TNRC18: variants seen among roughly 807,000 people sequenced by gnomAD.
TNRC18 encodes trinucleotide repeat-containing gene 18 protein.
A neutral mutation model predicts 226.7 loss-of-function variants in TNRC18; 69 were observed. The ratio of observed to expected loss-of-function variants is 0.30; its 90% CI spans 0.25 to 0.37. The LOEUF (loss-of-function observed/expected upper bound fraction) is 0.37. Among genes scored for constraint, TNRC18 ranks in the 10% least tolerant of loss-of-function variants. The pLI is 1.00. For missense variants in TNRC18, 4,754 were observed against 4,256.6 expected (o/e 1.12, Z -3.25); for synonymous variants, 2,449 against 1,927.6 (o/e 1.27, Z -7.09).
Position 5,313,126 on chromosome 7 carries a change from T to C in TNRC18, c.7765A>G (p.Lys2589Glu). Residue 2589 changes from lysine (K) to glutamate (E), a missense_variant, in exon 27 of 30, where the codon AAG becomes GAG. Transcript: ENST00000430969. ...GTGCCGCAGCCCCCGTCCCCGTTCTTGTCGCCTTCCTCCTCCCCTTCTGTC... is the reference window on the plus strand; with the variant it reads ...GTGCCGCAGCCCCCGTCCCCGTTCTCGTCGCCTTCCTCCTCCCCTTCTGTC... Reference protein sequence around the residue: ...SETEGEEEGDKNGDGGCGTGG... With the variant: ...SETEGEEEGDENGDGGCGTGG... The C allele has an allele frequency of 6.7e-7, 1 of 1,494,306 alleles. No individual in the cohort carries two copies. The highest frequency in any genetic ancestry group is 9.1e-7 in the Non-Finnish European group (1 of 1,104,620). The allele number at this position is 1,494,306 out of a possible 1,614,324, so 92.6% of individuals were successfully genotyped here. A position where few individuals can be genotyped will look rare whatever the true frequency, so the allele number is the denominator to read the frequency against.
chr7:5,320,546 A>G lies in TNRC18; in HGVS notation c.6622T>C (p.Leu2208=), dbSNP rs746187256. 5.6e-6 allele frequency: 9 copies of G among 1,611,192 alleles called. No individual in the cohort carries two copies. The East Asian group carries it at 2.0e-4, about 36-fold the overall frequency. ...NRPHIYCLEQ[L]LQEAIIDVRP... is the part of the protein sequence containing the mutation. ...TCCCCCCTCACCGCCTCCTGCAGCAACTGCTCCAGACAGTAGATGTGGGGC... is the reference window on the plus strand; with the variant it reads ...TCCCCCCTCACCGCCTCCTGCAGCAGCTGCTCCAGACAGTAGATGTGGGGC... Residue 2208 remains leucine (L), a synonymous_variant, in exon 23 of 30, where the codon TTG becomes CTG. Coordinates refer to ENST00000430969, the MANE Select transcript of TNRC18 (RefSeq NM_001080495.3).
intron 13 of TNRC18, 81 bp from the exon 14 acceptor site, chr7:5,361,803 G>A (rs1793079163): frequency 9.8e-6 from 15 of 1,526,720 alleles, no homozygotes; most frequent in African/African-American, 4.2e-5. Context: ...CACACACGGC[G>A]CCGGGTCCAC....
Position 5,370,743 on chromosome 7 carries a change from G to T in TNRC18, c.3851C>A (p.Pro1284Gln). 6.2e-7 allele frequency: 1 copy of T among 1,604,460 alleles called. No homozygotes were observed. The change falls in exon 11 of 30, where the codon CCG (proline) becomes CAG (glutamine). Residue 1284 changes from proline (P) to glutamine (Q), a missense_variant. Pro to Gln is a moderately conservative substitution (Grantham distance 76). Transcript: ENST00000430969. ...VPEEGLAQVA[P>Q]SESQPTLEMS... Reference sequence around the variant, plus strand: ...TTCTAGGGTGGGCTGGGACTCGCTCGGTGCCACCTGCGCCAGGCCTTCCTC... The same window carrying T: ...TTCTAGGGTGGGCTGGGACTCGCTCTGTGCCACCTGCGCCAGGCCTTCCTC...
chr7:5,345,756 G>A lies in TNRC18; in HGVS notation c.5525C>T (p.Ala1842Val), dbSNP rs1791120519. The change falls in exon 18 of 30, where the codon GCC (alanine) becomes GTC (valine). Residue 1842 changes from alanine (A) to valine (V), a missense_variant. By Grantham distance (64) the Ala-to-Val change is moderately conservative. Coordinates refer to ENST00000430969, the MANE Select transcript of TNRC18 (RefSeq NM_001080495.3). ...EEEELEEEDE[A>V]SGGGYRLGAR... ...ACCCAGCCTGTAGCCACCACCGCTG[G>A]CCTCGTCCTCCTCCTCGAGCTCCTC... The A allele has an allele frequency of 1.3e-6, 2 of 1,548,274 alleles. No individual in the cohort carries two copies. Among genetic ancestry groups the A allele is most frequent in the Non-Finnish European group, 8.7e-7 (1 of 1,146,860 alleles).
At position 5,394,419 on chromosome 7, in the gene TNRC18, C is replaced by T. The variant is rs376438023; in HGVS notation, c.343+21G>A. On this transcript the variant is annotated intron_variant, in intron 3 of 29. Coordinates refer to ENST00000430969, the MANE Select transcript of TNRC18 (RefSeq NM_001080495.3). This position sits in a 1 kb window ranked among gnomAD's most constrained non-coding sequence, Gnocchi z 4.5. Reference sequence around the variant, plus strand: ...ACGTCAGCCCAGCAGCCCTCAGCCCCGACCCCGGCATGTTCCTTACCTTCA... The same window carrying T: ...ACGTCAGCCCAGCAGCCCTCAGCCCTGACCCCGGCATGTTCCTTACCTTCA... 20 of 1,513,382 alleles carry T rather than the reference C, an allele frequency of 1.3e-5. No individual in the cohort carries two copies. Among genetic ancestry groups the T allele is most frequent in the Admixed American group, 2.3e-5 (1 of 42,826 alleles). 93.7% of individuals were successfully genotyped at this position (1,513,382 alleles called of 1,614,324 possible). A position where few individuals can be genotyped will look rare whatever the true frequency, so the allele number is the denominator to read the frequency against.
intron 2 of TNRC18, among the ~76,000 whole-genome samples, chr7:5,406,850 CAAAAAAAA>C (rs770572593): frequency 2.1e-5 from 2 of 94,574 alleles, no homozygotes; most frequent in Non-Finnish European, 5.0e-5. Context: ...GACTCTGTCT[CAAAAAAAA>C]AAAAGAAAGA....
chr7:5,403,332 G>A (rs1781240223), intron 2 of TNRC18, among the ~76,000 whole-genome samples: 1 of 152,000 alleles, frequency 6.6e-6, no homozygotes, highest in African/African-American at 2.4e-5. Context: ...AGCTAAATTT[G>A]TATTTTTAGT....
chr7:5,364,462 A>AACACACACACACACACACACAC (rs58752853), intron 11 of TNRC18, among the ~76,000 whole-genome samples: 3 of 116,722 alleles, frequency 2.6e-5, no homozygotes, highest in African/African-American at 6.4e-5. Context: ...TCTCAAAGAA[A>AACACACACACACACACACACAC]ACACACACAC....
intron 19 of TNRC18, chr7:5,330,077 GCCC>G (rs1366209403): frequency 2.3e-6 from 1 of 438,528 alleles, no homozygotes; most frequent in African/African-American, 2.1e-5. Flanking sequence ...TGTGGTAGGT[GCCC>G]CCCAACACAC....
intron 27 of TNRC18, among the ~76,000 whole-genome samples, chr7:5,311,239 G>A (rs1386572941): frequency 2.0e-5 from 3 of 152,192 alleles, no homozygotes; most frequent in African/African-American, 7.2e-5. Context: ...TGCACTGTGT[G>A]CAAGTGTGTG....
At chr7:5,320,469 G>A (rs1478700285) in intron 23 of TNRC18, 43 bp from the exon 24 acceptor site, 8 of 1,566,108 alleles carry the variant, frequency 5.1e-6, no homozygotes, top group Non-Finnish European at 6.9e-6. Flanking sequence ...ACACAGTTAT[G>A]GCCATGGCCT....
Position 5,356,969 on chromosome 7 carries a change from T to C in TNRC18, c.5141A>G (p.Gln1714Arg). The change falls in exon 16 of 30, where the codon CAG becomes CGG. Residue 1714 changes from glutamine (Q) to arginine (R), a missense_variant. Physicochemically the swap from Gln to Arg is conservative, Grantham distance 43. Transcript: ENST00000430969. Reference sequence around the variant, plus strand: ...AAACGGGGAATGGGCCGACTTGGGCTGGCCTCTGGCCTTGAACCCCACCTC... The same window carrying C: ...AAACGGGGAATGGGCCGACTTGGGCCGGCCTCTGGCCTTGAACCCCACCTC... ...KMEVGFKARG[Q>R]PKSAHSPFAS... The C allele has an allele frequency of 6.4e-7, 1 of 1,552,036 alleles. No individual in the cohort carries two copies. The highest frequency in any genetic ancestry group is 8.7e-7 in the Non-Finnish European group (1 of 1,147,024).
chr7:5,307,561 C>T lies in TNRC18; in HGVS notation c.*545G>A. 1 of 450,472 alleles carries T rather than the reference C, an allele frequency of 2.2e-6. No homozygotes were observed. The highest frequency in any genetic ancestry group is 4.5e-6 in the Non-Finnish European group (1 of 224,432). 27.9% of individuals were successfully genotyped at this position (450,472 alleles called of 1,614,324 possible). The stretch of plus-strand genomic sequence containing the variant: ...CCGGCTCTGTTCCCCAAGTCTAGGC[C>T]ATCCTGAGAGGGTGGGGGCAGGGCC... On this transcript the variant is annotated 3_prime_UTR_variant, in exon 30 of 30. Coordinates refer to ENST00000430969, the MANE Select transcript of TNRC18 (RefSeq NM_001080495.3).
intron 2 of TNRC18, among the ~76,000 whole-genome samples, chr7:5,395,100 G>A (rs1780579646): frequency 6.6e-6 from 1 of 152,156 alleles, no homozygotes; most frequent in African/African-American, 2.4e-5. Flanking sequence ...AGCAGCCCTA[G>A]CCAGCCCCGT....
intron 16 of TNRC18, among the ~76,000 whole-genome samples, chr7:5,356,327 A>G (rs1426076140): frequency 5.3e-5 from 8 of 152,202 alleles, no homozygotes; most frequent in Non-Finnish European, 1.0e-4. Context: ...CATCATCCCC[A>G]GTAACAACAT....
chr7:5,371,371 A>C lies in TNRC18; in HGVS notation c.3230-7T>G. 6.7e-7 allele frequency: 1 copy of C among 1,502,608 alleles called. No individual in the cohort carries two copies. 93.1% of individuals were successfully genotyped at this position (1,502,608 alleles called of 1,614,324 possible). On this transcript the variant is annotated splice_polypyrimidine_tract_variant and splice_region_variant and intron_variant, in intron 10 of 29. Coordinates refer to ENST00000430969, the MANE Select transcript of TNRC18 (RefSeq NM_001080495.3). ...GGGTACCTGGGCGGGATATCTGCCA[A>C]GGACACAGGGGTCAGCATGGGAGCC...
At chr7:5,349,416 T>A (rs1287145417) in intron 17 of TNRC18, among the ~76,000 whole-genome samples, 2 of 152,028 alleles carry the variant, frequency 1.3e-5, no homozygotes, top group African/African-American at 4.8e-5. Context: ...AGAAAAACTT[T>A]TTATTATTAT....
intron 19 of TNRC18, among the ~76,000 whole-genome samples, chr7:5,332,070 T>G (rs1045778981): frequency 6.6e-5 from 10 of 152,224 alleles, no homozygotes; most frequent in Admixed American, 6.5e-4. Context: ...TGTCTTCCTT[T>G]GGGGTCCCAG....
In TNRC18 at chr7:5,377,216, A is replaced by G. The variant is rs991367209; in HGVS notation, c.2461+155T>C. Among the ~76,000 whole-genome samples the G allele has an allele frequency of 6.6e-6, 1 of 152,186 alleles. No individual in the cohort carries two copies. Among genetic ancestry groups the G allele is most frequent in the East Asian group, 1.9e-4 (1 of 5,192 alleles). On this transcript the variant is annotated intron_variant, in intron 7 of 29. Transcript: ENST00000430969. The surrounding 1 kb of genome is among the most constrained non-coding windows in gnomAD (Gnocchi z 5.8). The stretch of plus-strand genomic sequence containing the variant: ...ATGGCAGAGGGGCCCCACGAGGCAG[A>G]GGCCATTATCATTCCTTCTTCCGAC...
Sources: gnomAD v4.1 joint callset for allele counts (sites outside exome capture counted in the v4.1 genomes callset) on GRCh38, gnomAD v4.1.1 for gene constraint, Gnocchi (gnomAD v3.1) non-coding constraint, MANE v1.5 for transcripts, NCBI Gene and HGNC (gene_info 2026-07-23, HGNC 2026-07-21) for gene names.